The following ST3GAL1 variants were observed in gnomAD, a reference collection of about 807,000 sequenced individuals.
ST3GAL1 encodes the protein CMP-N-acetylneuraminate-beta-galactosamide-alpha-2,3-sialyltransferase 1.
Under a neutral mutation model 34.1 loss-of-function variants are expected in ST3GAL1, and 16 were observed. The observed-to-expected ratio is 0.47, with a 90% CI of 0.32 to 0.71. The LOEUF (loss-of-function observed/expected upper bound fraction) is 0.71. Ranked by LOEUF, ST3GAL1 falls within the 30% of genes least tolerant of loss-of-function variation. The pLI is 0.04. For missense variants in ST3GAL1, 353 were observed against 447.4 expected, an observed-to-expected ratio of 0.79 and a Z score of 1.90; for synonymous variants, 191 against 184.7, an observed-to-expected ratio of 1.03 and a Z score of -0.28.
At position 133,465,973 on chromosome 8, in the gene ST3GAL1, A is replaced by G. The variant is rs773117283; in HGVS notation, c.424T>C (p.Cys142Arg). 1.2e-6 allele frequency: 2 copies of G among 1,614,190 alleles called. No individual in the cohort carries two copies. The highest frequency in any genetic ancestry group is 1.7e-6 in the Non-Finnish European group (2 of 1,180,002). Residue 142 changes from cysteine to arginine, a missense_variant, in exon 6 of 10, where the codon TGC becomes CGC. Physicochemically the swap from Cys to Arg is radical, Grantham distance 180. Coordinates refer to ENST00000522652, the MANE Select transcript of ST3GAL1 (RefSeq NM_173344.3). The part of the protein sequence containing the change: ...LEKRSVGCRR[C>R]AVVGNSGNLR... ...TTGCCCGAGTTGCCCACAACGGCGC[A>G]GCGCCGGCAGCCCACCGACCTCTTC... is the stretch of plus-strand genomic sequence containing the variant.
At chr8:133,561,793 CA>C (rs1313546388) in intron 1 of ST3GAL1, among the ~76,000 whole-genome samples, 4 of 152,124 alleles carry the variant, frequency 2.6e-5, no homozygotes, top group Non-Finnish European at 5.9e-5. Flanking sequence ...GACACTCGAC[CA>C]GATGTTGATC....
intron 1 of ST3GAL1, among the ~76,000 whole-genome samples, chr8:133,562,174 G>A (rs1351291831): frequency 1.3e-5 from 2 of 151,062 alleles, no homozygotes; most frequent in East Asian, 3.9e-4. Flanking sequence ...ATGTGACCTT[G>A]GCCAGTAAGT....
Position 133,464,798 on chromosome 8 carries a change from G to A in ST3GAL1, c.663C>T (p.Ile221=). The change falls in exon 7 of 10, where the codon ATC becomes ATT. Residue 221 remains isoleucine (I), a synonymous_variant. Coordinates refer to ENST00000522652, the MANE Select transcript of ST3GAL1 (RefSeq NM_173344.3). The stretch of plus-strand genomic sequence containing the variant: ...CTCACTGGGAAATGGTGCCCGTGGT[G>A]ATGGCGCTCACCACCCACTCCAAGT... ...TIDLEWVVSA[I]TTGTISHTYI... 1 of 1,613,596 alleles carries A rather than the reference G, an allele frequency of 6.2e-7. No homozygotes were observed. The highest frequency in any genetic ancestry group is 8.5e-7 in the Non-Finnish European group (1 of 1,179,688).
At chr8:133,489,268 C>T (rs1816710336) in intron 3 of ST3GAL1, among the ~76,000 whole-genome samples, 1 of 152,166 alleles carries the variant, frequency 6.6e-6, no homozygotes, top group Non-Finnish European at 1.5e-5. Flanking sequence ...AGCACCATGA[C>T]CAGTCCAGGT....
chr8:133,546,239 T>C (rs1002497624), intron 1 of ST3GAL1, among the ~76,000 whole-genome samples: 1 of 152,128 alleles, frequency 6.6e-6, no homozygotes, highest in African/African-American at 2.4e-5. Flanking sequence ...TCCCAGCACT[T>C]TGGGAGACCA....
At chr8:133,497,872 G>A (rs901645868) in intron 3 of ST3GAL1, among the ~76,000 whole-genome samples, 14 of 152,146 alleles carry the variant, frequency 9.2e-5, no homozygotes, top group Admixed American at 3.3e-4. Flanking sequence ...CCACTGTGAT[G>A]GTAGTGGGGT....
Position 133,484,274 on chromosome 8 carries a change from G to T in ST3GAL1, c.-373-7674C>A, listed in dbSNP as rs543154037. Among the ~76,000 whole-genome samples the T allele has an allele frequency of 5.3e-5, 8 of 152,242 alleles. 1 individual carries two copies. The South Asian group carries it at 1.0e-3, about 20-fold the overall frequency. On this transcript the variant is annotated intron_variant, in intron 3 of 9. Coordinates refer to ENST00000522652, the MANE Select transcript of ST3GAL1 (RefSeq NM_173344.3). ...CTCAGGGCCTGCACCAGCAAGATGGGGAAAATCACATCTCTTCAAAGGTTC... is the reference window on the plus strand; with the variant it reads ...CTCAGGGCCTGCACCAGCAAGATGGTGAAAATCACATCTCTTCAAAGGTTC...
Position 133,459,536 on chromosome 8 carries a change from T to C in ST3GAL1, c.*228A>G. 3 of 433,468 alleles carry C rather than the reference T, an allele frequency of 6.9e-6. No homozygotes were observed. Among genetic ancestry groups the C allele is most frequent in the Non-Finnish European group, 8.0e-6 (2 of 248,752 alleles). The allele number at this position is 433,468 out of a possible 1,614,324, so 26.9% of individuals were successfully genotyped here. On this transcript the variant is annotated 3_prime_UTR_variant, in exon 10 of 10. Coordinates refer to ENST00000522652, the MANE Select transcript of ST3GAL1 (RefSeq NM_173344.3). This position sits in a 1 kb window ranked among gnomAD's most constrained non-coding sequence, Gnocchi z 4.7. ...GCTCTAGGGCAGCAGTGGGGGGACG[T>C]TGTCCCCACTCAAGACAGGTTCCAA...
At chr8:133,497,048 A>C (rs1210157668) in intron 3 of ST3GAL1, among the ~76,000 whole-genome samples, 1 of 152,140 alleles carries the variant, frequency 6.6e-6, no homozygotes, top group Admixed American at 6.6e-5. Context: ...TGAAGGAGGG[A>C]CCTGAGCCCG....
intron 1 of ST3GAL1, among the ~76,000 whole-genome samples, chr8:133,562,850 C>CTTTCTT (rs1280055256): frequency 5.6e-5 from 6 of 106,338 alleles, no homozygotes; most frequent in African/African-American, 2.4e-4. Flanking sequence ...TCCTTTCTTT[C>CTTTCTT]TTTTTTTTTT....
intron 3 of ST3GAL1, among the ~76,000 whole-genome samples, chr8:133,485,038 G>C (rs1324067214): frequency 1.3e-5 from 2 of 152,186 alleles, no homozygotes; most frequent in Non-Finnish European, 2.9e-5. Context: ...CCCATATTGA[G>C]AGTTGCATCA....
chr8:133,471,436 G>T (rs1246578662), intron 5 of ST3GAL1, among the ~76,000 whole-genome samples: 1 of 152,206 alleles, frequency 6.6e-6, no homozygotes, highest in Non-Finnish European at 1.5e-5. Flanking sequence ...CATGTTCTAT[G>T]GTTGCCCTAT....
intron 1 of ST3GAL1, among the ~76,000 whole-genome samples, chr8:133,569,117 T>C (rs894599671): frequency 2.0e-5 from 3 of 152,180 alleles, no homozygotes; most frequent in South Asian, 2.1e-4. Flanking sequence ...TCTCTCACCC[T>C]GGGTGGGGTG....
chr8:133,508,483 C>G lies in ST3GAL1; in HGVS notation c.-428-9294G>C, dbSNP rs537559654. 1.8e-4 allele frequency among the ~76,000 whole-genome samples: 28 copies of G among 152,280 alleles called. No homozygotes were observed. The highest frequency in any genetic ancestry group is 1.1e-3 in the Admixed American group (17 of 15,298). ...TGTCCCCCACCCTTTCCCTGGAACA[C>G]TTCCTCTGCAATCTACGTGCACGGA... is the stretch of plus-strand genomic sequence containing the variant. On this transcript the variant is annotated intron_variant, in intron 2 of 9. Transcript: ENST00000522652. This position sits in a 1 kb window ranked among gnomAD's most constrained non-coding sequence, Gnocchi z 4.1.
chr8:133,490,607 G>A (rs1586612119), intron 3 of ST3GAL1, among the ~76,000 whole-genome samples: 2 of 152,192 alleles, frequency 1.3e-5, no homozygotes, highest in South Asian at 2.1e-4. Flanking sequence ...AGGGCAGAGG[G>A]GGAGGGTAAA....
chr8:133,495,764 T>A lies in ST3GAL1; in HGVS notation c.-374+3371A>T, dbSNP rs557283389. 1.3e-3 allele frequency among the ~76,000 whole-genome samples: 195 copies of A among 152,336 alleles called. 1 individual carries two copies. Among genetic ancestry groups the A allele is most frequent in the Non-Finnish European group, 2.1e-3 (142 of 68,034 alleles). On this transcript the variant is annotated intron_variant, in intron 3 of 9. Transcript: ENST00000522652. The stretch of plus-strand genomic sequence containing the variant: ...ATCGTAACCCATAGCATGTGTGGCA[T>A]CTATATGGGCGTTCTGCCTGCTCGT...
At chr8:133,516,846 G>T (rs1442592080) in intron 2 of ST3GAL1, among the ~76,000 whole-genome samples, 1 of 152,182 alleles carries the variant, frequency 6.6e-6, no homozygotes, top group Non-Finnish European at 1.5e-5. Flanking sequence ...AGATTTGATA[G>T]GCAGGCTCTC....
rs1408608543 is a variant in ST3GAL1, at chr8:133,466,512, C to A, written c.307-422G>T. On this transcript the variant is annotated intron_variant, in intron 5 of 9. Coordinates refer to ENST00000522652, the MANE Select transcript of ST3GAL1 (RefSeq NM_173344.3). The surrounding 1 kb of genome is among the most constrained non-coding windows in gnomAD (Gnocchi z 4.4). ...CACCACTTGAAAGAGAGAAAAATAGCAGAAGCCTTCTAGCTGTGTCTTACT... is the reference window on the plus strand; with the variant it reads ...CACCACTTGAAAGAGAGAAAAATAGAAGAAGCCTTCTAGCTGTGTCTTACT... Among the ~76,000 whole-genome samples, 3 of 152,158 alleles carry A rather than the reference C, an allele frequency of 2.0e-5. No homozygotes were observed. Among genetic ancestry groups the A allele is most frequent in the African/African-American group, 7.2e-5 (3 of 41,416 alleles).
intron 2 of ST3GAL1, among the ~76,000 whole-genome samples, chr8:133,513,165 C>T (rs111944490): frequency 1.3e-5 from 2 of 152,218 alleles, no homozygotes; most frequent in African/African-American, 4.8e-5. Context: ...TGAGGGGACA[C>T]CCCTCTGGAG....
Sources: gnomAD v4.1 joint callset for allele counts (sites outside exome capture counted in the v4.1 genomes callset) on GRCh38, gnomAD v4.1.1 for gene constraint, Gnocchi (gnomAD v3.1) non-coding constraint, MANE v1.5 for transcripts, NCBI Gene and HGNC (gene_info 2026-07-23, HGNC 2026-07-21) for gene names.